OR51B5: variants seen among roughly 807,000 people sequenced by gnomAD.
The protein encoded by OR51B5 is olfactory receptor family 51 subfamily B member 5.
For synonymous variants in OR51B5, 186 were observed against 144.8 expected, an observed-to-expected ratio of 1.28 and a Z score of -2.04; for missense variants, 456 against 374.6, an observed-to-expected ratio of 1.22 and a Z score of -1.79.
At chr11:5,493,507 A>G (rs552766544) in intron 1 of OR51B5, among the ~76,000 whole-genome samples, 2 of 152,212 alleles carry the variant, frequency 1.3e-5, no homozygotes, top group Non-Finnish European at 2.9e-5. Flanking sequence ...ATGAGAAATC[A>G]TAAGAAGGTA....
intron 1 of OR51B5, chr11:5,403,153 A>G (rs775867685): frequency 2.2e-6 from 1 of 463,822 alleles, no homozygotes. Flanking sequence ...TCTGCACCCC[A>G]ATCTTATCTA....
At chr11:5,447,346 G>A (rs573810076) in intron 1 of OR51B5, among the ~76,000 whole-genome samples, 4 of 152,112 alleles carry the variant, frequency 2.6e-5, no homozygotes, top group Non-Finnish European at 5.9e-5. Context: ...TCTAGTGTGA[G>A]CTGCATCTCT....
intron 1 of OR51B5, among the ~76,000 whole-genome samples, chr11:5,359,333 T>C (rs1481501251): frequency 6.8e-6 from 1 of 147,706 alleles, no homozygotes; most frequent in Non-Finnish European, 1.5e-5. Flanking sequence ...ATCACAAGCA[T>C]TCTTATACAC....
chr11:5,465,471 T>C (rs1441876616), intron 1 of OR51B5, among the ~76,000 whole-genome samples: 1 of 151,920 alleles, frequency 6.6e-6, no homozygotes, highest in Non-Finnish European at 1.5e-5. Flanking sequence ...AAAGTTCATA[T>C]GGAACCAAAA....
At chr11:5,422,446 A>C in intron 1 of OR51B5, 2 of 1,614,090 alleles carry the variant, frequency 1.2e-6, no homozygotes, top group Non-Finnish European at 1.7e-6. Flanking sequence ...CCCTACCCAC[A>C]GTCATGCAGC....
upstream of OR51B5, among the ~76,000 whole-genome samples, chr11:5,344,416 T>TTATATTTAAACATCC (rs1300167044): frequency 3.0e-5 from 4 of 135,312 alleles, no homozygotes; most frequent in African/African-American, 1.0e-4. Context: ...AGTTCTCCAT[T>TTATATTTAAACATCC]TATATTTAAA....
intron 1 of OR51B5, chr11:5,351,803 C>T (rs1274175294): frequency 1.2e-6 from 2 of 1,613,938 alleles, no homozygotes; most frequent in African/African-American, 1.3e-5. Context: ...TTCTCTCAGG[C>T]CTATTTTATC....
In OR51B5 at chr11:5,352,170, G is replaced by A. The variant is rs140748106; in HGVS notation, n.85-5260C>T. ...TTTTCTCCTACATTTTGATTCTCAA[G>A]ACTGTCATGGGCATTGGTTCTGGAG... On this transcript the variant is annotated intron_variant and non_coding_transcript_variant, in intron 1 of 4. Coordinates refer to the OR51B5 transcript ENST00000415970. The A allele has an allele frequency of 1.2e-5, 19 of 1,614,136 alleles. 1 individual carries two copies. In the South Asian group the frequency reaches 2.1e-4, roughly 18 times the overall value.
At chr11:5,498,671 C>T (rs1247097854) in intron 1 of OR51B5, among the ~76,000 whole-genome samples, 1 of 152,168 alleles carries the variant, frequency 6.6e-6, no homozygotes, top group Non-Finnish European at 1.5e-5. Flanking sequence ...ACAGACATTA[C>T]TAATTGTAAC....
chr11:5,374,853 C>G (rs28838640), intron 1 of OR51B5, among the ~76,000 whole-genome samples: 16,739 of 151,956 alleles, frequency 0.11, 1,049 homozygotes, highest in South Asian at 0.15. Flanking sequence ...AAATCTAGGT[C>G]TGATTGGTGT....
At chr11:5,393,054 C>A (rs961684970) in intron 1 of OR51B5, 1 of 152,160 alleles carries the variant, frequency 6.6e-6, no homozygotes, top group Non-Finnish European at 1.5e-5. Flanking sequence ...TGAAAATATT[C>A]ATGCTCTGTG....
intron 1 of OR51B5, chr11:5,403,199 G>T (rs1279262309): frequency 2.1e-6 from 1 of 471,152 alleles, no homozygotes; most frequent in Non-Finnish European, 4.4e-6. Context: ...ATATCTATGG[G>T]ATTTTCATTG....
At chr11:5,381,614 T>C (rs1367275739) in intron 1 of OR51B5, among the ~76,000 whole-genome samples, 1 of 152,212 alleles carries the variant, frequency 6.6e-6, no homozygotes, top group Non-Finnish European at 1.5e-5. Context: ...ATCTTCAAGT[T>C]CTTGATCAGA....
chr11:5,414,606 A>T (rs1211691927), intron 1 of OR51B5, among the ~76,000 whole-genome samples: 3 of 130,094 alleles, frequency 2.3e-5, no homozygotes, highest in Non-Finnish European at 3.5e-5. Flanking sequence ...AGCAAATGGA[A>T]AACAAAAAAA....
chr11:5,351,459 T>TG (rs2133687176), intron 1 of OR51B5: 2 of 1,442,584 alleles, frequency 1.4e-6, no homozygotes, highest in South Asian at 2.7e-5. Flanking sequence ...TACAACTGAT[T>TG]ACTATTGCTT....
chr11:5,351,519 T>A (rs1277633829), intron 1 of OR51B5: 1 of 1,611,482 alleles, frequency 6.2e-7, no homozygotes, highest in East Asian at 2.2e-5. Context: ...TGGGGCTCAA[T>A]AAGTCTGCTT....
At chr11:5,505,184 C>T (rs1246141306) in intron 1 of OR51B5, among the ~76,000 whole-genome samples, 2 of 152,318 alleles carry the variant, frequency 1.3e-5, no homozygotes, top group East Asian at 3.9e-4. Flanking sequence ...GACTTCACTT[C>T]ATATGACCCT....
At chr11:5,343,553 CTG>C (rs770631144), upstream of OR51B5, 23 of 680,952 alleles carry the variant, frequency 3.4e-5, no homozygotes, top group Non-Finnish European at 5.7e-5. Context: ...AAATGTCTTT[CTG>C]TTTCTGTTAT....
intron 1 of OR51B5, among the ~76,000 whole-genome samples, chr11:5,368,725 T>C (rs1427308061): frequency 6.6e-6 from 1 of 152,200 alleles, no homozygotes; most frequent in African/African-American, 2.4e-5. Context: ...TTTCTAAACA[T>C]TGAGTTACTC....
Sources: allele counts gnomAD v4.1 joint callset (sites outside exome capture counted in the v4.1 genomes callset), GRCh38; gene constraint gnomAD v4.1.1; transcripts MANE v1.5; gene names NCBI Gene and HGNC (gene_info 2026-07-23, HGNC 2026-07-21).